Variants in SMARCAD1 observed in about 807,000 individuals in gnomAD.
SMARCAD1 encodes the protein SWI/SNF-related matrix-associated actin-dependent regulator of chromatin subfamily A containing DEAD/H box 1.
Under a neutral mutation model 127.1 loss-of-function variants are expected in SMARCAD1, and 25 were observed. That is an observed-to-expected ratio of 0.20 (90% CI 0.14 to 0.27). The LOEUF (loss-of-function observed/expected upper bound fraction) is 0.27, where lower values mean the gene tolerates loss of function less well. Ranked by LOEUF, SMARCAD1 falls within the 10% of genes least tolerant of loss-of-function variation. SMARCAD1 has a pLI of 1.00. For synonymous variants in SMARCAD1, 400 were observed against 396.9 expected, an observed-to-expected ratio of 1.01 and a Z score of -0.09; for missense variants, 807 against 1,206.0, an observed-to-expected ratio of 0.67 and a Z score of 4.90.
chr4:94,250,947 C>T, intron 8 of SMARCAD1, 114 bp downstream of exon 8: 1 of 756,014 alleles, frequency 1.3e-6, no homozygotes, highest in Non-Finnish European at 2.2e-6. Context: ...GGTGGGATTG[C>T]AAAAGATGTT....
chr4:94,269,665 T>G (rs569573940), intron 10 of SMARCAD1, among the ~76,000 whole-genome samples: 1 of 145,964 alleles, frequency 6.9e-6, no homozygotes, highest in Admixed American at 7.0e-5. Context: ...GTTTTCATTC[T>G]GTTGTTGTTG....
chr4:94,272,813 C>T (rs1203128159), intron 11 of SMARCAD1, among the ~76,000 whole-genome samples: 2 of 151,498 alleles, frequency 1.3e-5, no homozygotes, highest in Non-Finnish European at 2.9e-5. Flanking sequence ...TTCTTTCTTT[C>T]CTTTTTCTTT....
intron 6 of SMARCAD1, among the ~76,000 whole-genome samples, chr4:94,247,048 AGGCATC>A (rs1339086575): frequency 6.6e-6 from 1 of 152,190 alleles, no homozygotes; most frequent in Non-Finnish European, 1.5e-5. Flanking sequence ...TAGGTCAAGG[AGGCATC>A]TTACATTGGG....
intron 15 of SMARCAD1, 95 bp from the exon 16 acceptor site, chr4:94,276,927 T>C: frequency 3.9e-6 from 5 of 1,273,996 alleles, no homozygotes; most frequent in Non-Finnish European, 5.6e-6. Context: ...GGTTTTAATT[T>C]ATCTCTCCTC....
Position 94,283,255 on chromosome 4 carries a change from A to G in SMARCAD1, c.2861A>G (p.Tyr954Cys), listed in dbSNP as rs1278015436. ...CTTCACGATATTGACTGTAATCCTT[A>G]TAATGACAAACAAGCAGAAGATAGA... Reference protein sequence around the residue: ...VILHDIDCNPYNDKQAEDRCH... With the variant: ...VILHDIDCNPCNDKQAEDRCH... Residue 954 changes from tyrosine (Y) to cysteine (C), a missense_variant, in exon 22 of 24, where the codon TAT becomes TGT. This residue lies in a region of SMARCAD1 where 44 missense variants were observed against 119.1 expected (regional missense o/e 0.37). Transcript: ENST00000354268. The G allele has an allele frequency of 1.9e-6, 3 of 1,613,614 alleles. No individual in the cohort carries two copies. The highest frequency in any genetic ancestry group is 1.7e-5 in the Admixed American group (1 of 59,994).
intron 4 of SMARCAD1, 50 bp from the exon 5 acceptor site, chr4:94,236,902 T>C (rs768060013): frequency 1.4e-6 from 2 of 1,408,074 alleles, no homozygotes; most frequent in Non-Finnish European, 2.0e-6. Flanking sequence ...GTAACTGAAA[T>C]AATTCTTAAA....
In SMARCAD1 at chr4:94,252,823, T is replaced by A. The variant is rs1434112799; in HGVS notation, c.1097T>A (p.Val366Asp). 6.2e-7 allele frequency: 1 copy of A among 1,614,094 alleles called. No individual in the cohort carries two copies. The highest frequency in any genetic ancestry group is 8.5e-7 in the Non-Finnish European group (1 of 1,179,968). ...EDSEYDSGSD[V>D]GSSLDEDYSS... is the part of the protein sequence containing the mutation. ...TCTGAATATGATTCAGGTTCTGATG[T>A]CGGTAGTTCACTAGATGAGGACTAT... is the stretch of plus-strand genomic sequence containing the variant. Residue 366 changes from valine (V) to aspartate (D), a missense_variant, in exon 9 of 24, where the codon GTC becomes GAC. Physicochemically the swap from Val to Asp is radical, Grantham distance 152. This residue lies in a region of SMARCAD1 where 257 missense variants were observed against 303.4 expected (regional missense o/e 0.85). Coordinates refer to ENST00000354268, the MANE Select transcript of SMARCAD1 (RefSeq NM_020159.5).
At chr4:94,223,702 G>A (rs1223900604) in intron 2 of SMARCAD1, among the ~76,000 whole-genome samples, 1 of 148,698 alleles carries the variant, frequency 6.7e-6, no homozygotes, top group Admixed American at 6.7e-5. Context: ...CCAGTAGCTG[G>A]AACTACTGGC....
At chr4:94,217,462 C>T (rs1335114459) in intron 2 of SMARCAD1, among the ~76,000 whole-genome samples, 2 of 151,900 alleles carry the variant, frequency 1.3e-5, no homozygotes, top group African/African-American at 4.8e-5. Flanking sequence ...GTTGTTTTCT[C>T]TTTGACCTGA....
At chr4:94,284,326 C>CAACA (rs1754553620) in intron 22 of SMARCAD1, among the ~76,000 whole-genome samples, 1 of 25,922 alleles carries the variant, frequency 3.9e-5, no homozygotes, top group Non-Finnish European at 7.6e-5. Flanking sequence ...GACTCCGTCT[C>CAACA]AAAAAAAAAA....
chr4:94,265,525 C>T (rs1423933438), intron 10 of SMARCAD1, among the ~76,000 whole-genome samples: 1 of 151,482 alleles, frequency 6.6e-6, no homozygotes, highest in Non-Finnish European at 1.5e-5. Flanking sequence ...AAAATACTGT[C>T]TAGTGGCCAG....
intron 2 of SMARCAD1, among the ~76,000 whole-genome samples, chr4:94,223,772 G>A (rs1315178478): frequency 1.4e-5 from 2 of 138,332 alleles, no homozygotes; most frequent in African/African-American, 5.6e-5. Context: ...AAGTAGAGAC[G>A]AGGTTTCACC....
chr4:94,263,124 T>C (rs372416652), intron 9 of SMARCAD1, among the ~76,000 whole-genome samples: 121 of 152,126 alleles, frequency 8.0e-4, no homozygotes, highest in African/African-American at 2.8e-3. Context: ...ATTTAATGAG[T>C]TACTGAATAA....
intron 3 of SMARCAD1, among the ~76,000 whole-genome samples, chr4:94,232,010 C>T (rs559170251): frequency 1.9e-3 from 289 of 151,970 alleles, no homozygotes; most frequent in African/African-American, 6.7e-3. Flanking sequence ...TACAGGCACC[C>T]GCCACCATGC....
chr4:94,287,258 T>C (rs545347618), intron 23 of SMARCAD1, among the ~76,000 whole-genome samples: 1 of 152,354 alleles, frequency 6.6e-6, no homozygotes, highest in Middle Eastern at 3.4e-3. Flanking sequence ...TAATCATTTG[T>C]CTTCAGCTGT....
chr4:94,254,959 T>C (rs1056237825), intron 9 of SMARCAD1, among the ~76,000 whole-genome samples: 3 of 152,146 alleles, frequency 2.0e-5, no homozygotes, highest in East Asian at 3.8e-4. Context: ...AATAAAATTA[T>C]CAAAAGTCAA....
chr4:94,216,150 C>G (rs1252796701), intron 2 of SMARCAD1, among the ~76,000 whole-genome samples: 1 of 152,140 alleles, frequency 6.6e-6, no homozygotes, highest in Non-Finnish European at 1.5e-5. Flanking sequence ...TCTTGGGCCT[C>G]TTTTATAAGG....
intron 3 of SMARCAD1, among the ~76,000 whole-genome samples, chr4:94,229,944 G>T (rs1427307311): frequency 6.6e-6 from 1 of 151,620 alleles, no homozygotes; most frequent in Non-Finnish European, 1.5e-5. Context: ...TTACTAATCT[G>T]TTCAGTCATC....
intron 6 of SMARCAD1, among the ~76,000 whole-genome samples, chr4:94,244,845 TC>T (rs1214244909): frequency 6.6e-6 from 1 of 152,204 alleles, no homozygotes; most frequent in African/African-American, 2.4e-5. Flanking sequence ...GTCACATTCT[TC>T]CTTTTGCCTC....
Sources: allele counts gnomAD v4.1 joint callset (sites outside exome capture counted in the v4.1 genomes callset), GRCh38; gene constraint gnomAD v4.1.1; regional missense constraint gnomAD v4.1.1; transcripts MANE v1.5; gene names NCBI Gene and HGNC (gene_info 2026-07-23, HGNC 2026-07-21).